CCDC158: variants seen among roughly 807,000 people sequenced by gnomAD.
CCDC158 encodes coiled-coil domain containing 158, also known as coiled-coil domain-containing protein 158.
A neutral mutation model predicts 138.6 loss-of-function variants in CCDC158; 116 were observed. The observed-to-expected ratio is 0.84, with a 90% confidence interval of 0.72 to 0.98. The LOEUF (loss-of-function observed/expected upper bound fraction) is 0.98, where lower values mean the gene tolerates loss of function less well. Ranked by LOEUF, CCDC158 falls within the 50% of genes least tolerant of loss-of-function variation. The probability of loss-of-function intolerance (pLI) is 0.00; values close to 1 mark genes in which losing one functional copy is unlikely to be tolerated. For missense variants in CCDC158, 1,265 were observed against 1,306.1 expected, an observed-to-expected ratio of 0.97 and a Z score of 0.48; for synonymous variants, 436 against 442.4, an observed-to-expected ratio of 0.99 and a Z score of 0.18.
chr4:76,319,446 AAAAAAAAAAAAAAAAAAAAATATATATAT>A (rs1719740767), intron 24 of CCDC158, among the ~76,000 whole-genome samples: 1 of 31,456 alleles, frequency 3.2e-5, no homozygotes. Flanking sequence ...AAAAAAAAAA[AAAAAAAAAAAAAAAAAAAAATATATATAT>A]ATATATATAT....
At chr4:76,360,325 G>C (rs759761644) in intron 13 of CCDC158, among the ~76,000 whole-genome samples, 1 of 152,244 alleles carries the variant, frequency 6.6e-6, no homozygotes, top group Non-Finnish European at 1.5e-5. Context: ...GGAAATGTGG[G>C]GTTGGGGCCC....
intron 9 of CCDC158, among the ~76,000 whole-genome samples, chr4:76,372,661 C>G (rs539871582): frequency 5.3e-5 from 8 of 152,220 alleles, no homozygotes; most frequent in Non-Finnish European, 1.0e-4. Context: ...TTTATATTTA[C>G]AGTAGGACAA....
chr4:76,402,992 T>C (rs1728533711), intron 3 of CCDC158, 146 bp downstream of exon 3: 2 of 596,184 alleles, frequency 3.4e-6, no homozygotes, highest in African/African-American at 2.0e-5. Flanking sequence ...CTTCAAAAAG[T>C]AGAATTATAA....
intron 12 of CCDC158, among the ~76,000 whole-genome samples, chr4:76,364,565 TAA>T (rs1451681903): frequency 6.6e-6 from 1 of 152,256 alleles, no homozygotes; most frequent in Non-Finnish European, 1.5e-5. Flanking sequence ...ATGAGTTAAA[TAA>T]AATGTTATTA....
intron 1 of CCDC158, among the ~76,000 whole-genome samples, chr4:76,414,804 G>A (rs573524957): frequency 2.2e-4 from 34 of 152,308 alleles, no homozygotes; most frequent in African/African-American, 2.6e-4. Context: ...CTCCCCAGCC[G>A]TGTGGAACTG....
At chr4:76,339,522 C>T (rs1224601795) in intron 18 of CCDC158, among the ~76,000 whole-genome samples, 1 of 152,248 alleles carries the variant, frequency 6.6e-6, no homozygotes, top group Admixed American at 6.5e-5. Context: ...GGCAACAATG[C>T]TTGTTTTGTG....
chr4:76,348,314 A>G (rs1722753074), intron 18 of CCDC158, among the ~76,000 whole-genome samples: 1 of 150,748 alleles, frequency 6.6e-6, no homozygotes, highest in Non-Finnish European at 1.5e-5. Flanking sequence ...GGGCACCTGT[A>G]GTCCCAGCTA....
intron 18 of CCDC158, among the ~76,000 whole-genome samples, chr4:76,334,450 T>C (rs1721283899): frequency 6.6e-6 from 1 of 152,206 alleles, no homozygotes; most frequent in Non-Finnish European, 1.5e-5. Context: ...TTTAACAATG[T>C]AGTATGAACA....
In CCDC158 at chr4:76,361,525, G is replaced by A. The variant is rs187218111; in HGVS notation, c.2020+601C>T. 5.0e-4 allele frequency among the ~76,000 whole-genome samples: 76 copies of A among 152,336 alleles called. 1 individual carries two copies. The highest frequency in any genetic ancestry group is 6.5e-4 in the Admixed American group (10 of 15,310). On this transcript the variant is annotated intron_variant, in intron 13 of 24. Transcript: ENST00000682701. ...TGCAGTGAGCTGAGATCACGCCACTGCACTCCAACCTGGTGGACAGAGTGA... is the reference window on the plus strand; with the variant it reads ...TGCAGTGAGCTGAGATCACGCCACTACACTCCAACCTGGTGGACAGAGTGA...
At chr4:76,331,822 G>A (rs1473027101) in intron 20 of CCDC158, among the ~76,000 whole-genome samples, 3 of 152,150 alleles carry the variant, frequency 2.0e-5, no homozygotes, top group Non-Finnish European at 4.4e-5. Context: ...TAATGCAGTA[G>A]GCAGTGAGGA....
Position 76,406,250 on chromosome 4 carries a change from T to C in CCDC158, c.-73-2970A>G, listed in dbSNP as rs572255769. ...CCAGAGAGCATTAACTAAAACAAAT[T>C]GCAGTGCACTTGAAGTTAAAAGCCA... On this transcript the variant is annotated intron_variant, in intron 2 of 24. Transcript: ENST00000682701. Among the ~76,000 whole-genome samples the C allele has an allele frequency of 3.3e-5, 5 of 152,254 alleles. No individual in the cohort carries two copies. The East Asian group carries it at 9.6e-4, about 29-fold the overall frequency.
chr4:76,371,649 G>C, intron 9 of CCDC158, 113 bp from the exon 10 acceptor site: 1 of 1,308,078 alleles, frequency 7.6e-7, no homozygotes, highest in South Asian at 1.4e-5. Context: ...ATAAAAGTTC[G>C]TTGTGAGGCT....
At chr4:76,358,110 G>T (rs1462420374) in intron 13 of CCDC158, among the ~76,000 whole-genome samples, 17 of 152,008 alleles carry the variant, frequency 1.1e-4, no homozygotes, top group Non-Finnish European at 5.9e-5. Flanking sequence ...AGATGTCCTC[G>T]TGCCACCTGA....
chr4:76,408,957 G>T (rs994837595), intron 2 of CCDC158, among the ~76,000 whole-genome samples: 1 of 152,122 alleles, frequency 6.6e-6, no homozygotes, highest in Non-Finnish European at 1.5e-5. Context: ...ATTTTTTCAC[G>T]TGTCTTTTGG....
intron 12 of CCDC158, among the ~76,000 whole-genome samples, chr4:76,366,626 A>ACACACAC (rs1724690719): frequency 3.9e-5 from 1 of 25,632 alleles, no homozygotes; most frequent in African/African-American, 8.8e-5. Context: ...CTGCTACATA[A>ACACACAC]ACACACACAC....
At chr4:76,371,269 A>G in intron 10 of CCDC158, 148 bp downstream of exon 10, 1 of 779,312 alleles carries the variant, frequency 1.3e-6, no homozygotes, top group Non-Finnish European at 2.0e-6. Context: ...TATATGCAAA[A>G]CTTGAATTGT....
At chr4:76,349,741 T>C (rs1722882113) in intron 18 of CCDC158, among the ~76,000 whole-genome samples, 4 of 152,196 alleles carry the variant, frequency 2.6e-5, no homozygotes, top group African/African-American at 9.7e-5. Context: ...TGACTAGTAC[T>C]TTTTCAGTGA....
At chr4:76,398,526 G>A (rs575635757) in intron 3 of CCDC158, among the ~76,000 whole-genome samples, 1 of 152,004 alleles carries the variant, frequency 6.6e-6, no homozygotes, top group Non-Finnish European at 1.5e-5. Flanking sequence ...AAATTAGCCA[G>A]GTGTGGTGGT....
intron 16 of CCDC158, 173 bp downstream of exon 16, chr4:76,352,950 T>A (rs1045886035): frequency 1.9e-6 from 1 of 524,560 alleles, no homozygotes; most frequent in African/African-American, 2.0e-5. Flanking sequence ...CATTTTAAAA[T>A]TCAGAAACGC....
Sources: allele counts gnomAD v4.1 joint callset (sites outside exome capture counted in the v4.1 genomes callset), GRCh38; gene constraint gnomAD v4.1.1; transcripts MANE v1.5; gene names NCBI Gene and HGNC (gene_info 2026-07-23, HGNC 2026-07-21).